ELMO1: variants seen among roughly 807,000 people sequenced by gnomAD.
The protein encoded by ELMO1 is engulfment and cell motility 1, also known as engulfment and cell motility protein 1.
Under a neutral mutation model 98.9 loss-of-function variants are expected in ELMO1, and 26 were observed. The observed-to-expected ratio is 0.26, with a 90% CI of 0.19 to 0.36. ELMO1 has a LOEUF of 0.36. ELMO1 is among the 10% of genes least tolerant of loss of function. The pLI, the probability that ELMO1 is intolerant of heterozygous loss-of-function variation, is 1.00. For synonymous variants in ELMO1, 346 were observed against 346.0 expected (o/e 1.00, Z 0.00); for missense variants, 627 against 935.2 (o/e 0.67, Z 4.30).
intron 16 of ELMO1, among the ~76,000 whole-genome samples, chr7:36,938,921 G>A (rs954514221): frequency 6.6e-6 from 1 of 152,022 alleles, no homozygotes; most frequent in Non-Finnish European, 1.5e-5. Context: ...CTAAGTACTC[G>A]GGAGGCTGAG....
chr7:36,911,895 AT>A (rs1364579052), intron 16 of ELMO1, among the ~76,000 whole-genome samples: 2 of 152,066 alleles, frequency 1.3e-5, no homozygotes, highest in Non-Finnish European at 1.5e-5. Flanking sequence ...GTCCCCACAT[AT>A]CATTAATCAG....
At chr7:37,396,726 G>C (rs1447645761) in intron 1 of ELMO1, among the ~76,000 whole-genome samples, 3 of 152,162 alleles carry the variant, frequency 2.0e-5, no homozygotes, top group Non-Finnish European at 4.4e-5. Context: ...TCTTGAGTGG[G>C]GACAATAATT....
chr7:37,155,697 A>C (rs992747096), intron 13 of ELMO1, among the ~76,000 whole-genome samples: 3 of 152,136 alleles, frequency 2.0e-5, no homozygotes, highest in Non-Finnish European at 2.9e-5. Flanking sequence ...ACCTACAAAG[A>C]GACTCAGACT....
At chr7:36,871,763 T>C (rs1359233726) in intron 19 of ELMO1, among the ~76,000 whole-genome samples, 1 of 152,146 alleles carries the variant, frequency 6.6e-6, no homozygotes, top group Admixed American at 6.5e-5. Flanking sequence ...ATTTTCCAGG[T>C]ACCCTAAAAT....
intron 14 of ELMO1, among the ~76,000 whole-genome samples, chr7:37,130,642 T>A (rs1296978055): frequency 6.6e-6 from 1 of 152,074 alleles, no homozygotes; most frequent in Non-Finnish European, 1.5e-5. Flanking sequence ...GGCAGGCAAG[T>A]TGAACACAGG....
intron 16 of ELMO1, among the ~76,000 whole-genome samples, chr7:36,965,786 A>G (rs1020457630): frequency 3.9e-5 from 6 of 152,224 alleles, no homozygotes; most frequent in African/African-American, 1.4e-4. Flanking sequence ...TTTCCTCTGC[A>G]TTACCTAGCA....
At chr7:37,202,210 C>T (rs1486943566) in intron 13 of ELMO1, among the ~76,000 whole-genome samples, 1 of 152,154 alleles carries the variant, frequency 6.6e-6, no homozygotes, top group Non-Finnish European at 1.5e-5. Context: ...AAGCAAAGTA[C>T]TTGTTTCAGA....
Position 36,853,566 on chromosome 7 carries a change from C to G in ELMO1, c.*1985G>C, listed in dbSNP as rs1353817242. On this transcript the variant is annotated 3_prime_UTR_variant, in exon 22 of 22. Transcript: ENST00000310758. ...CGAAGCTTAATGATCAAGGAATTAACAGCTTGACACAGGTGTGAGTGCTCT... is the reference window on the plus strand; with the variant it reads ...CGAAGCTTAATGATCAAGGAATTAAGAGCTTGACACAGGTGTGAGTGCTCT... 6.6e-6 allele frequency among the ~76,000 whole-genome samples: 1 copy of G among 152,214 alleles called. No individual in the cohort carries two copies. The highest frequency in any genetic ancestry group is 2.4e-5 in the African/African-American group (1 of 41,460).
intron 19 of ELMO1, among the ~76,000 whole-genome samples, chr7:36,874,919 G>C (rs1803823186): frequency 6.6e-6 from 1 of 152,218 alleles, no homozygotes; most frequent in African/African-American, 2.4e-5. Flanking sequence ...TAAAGCTTTG[G>C]AGAAGACAGC....
intron 21 of ELMO1, among the ~76,000 whole-genome samples, chr7:36,860,649 T>G (rs1802555333): frequency 6.6e-6 from 1 of 152,212 alleles, no homozygotes; most frequent in Non-Finnish European, 1.5e-5. Context: ...ACATCTTGAA[T>G]ATGGTGGCCT....
chr7:37,155,504 A>AAAAAAAAAAATT, intron 13 of ELMO1, among the ~76,000 whole-genome samples: 1 of 132,300 alleles, frequency 7.6e-6, no homozygotes, highest in South Asian at 3.0e-4. Context: ...AAAAAAAAAA[A>AAAAAAAAAAATT]AAAAGCAGGT....
At position 37,026,713 on chromosome 7, in the gene ELMO1, A is replaced by C. The variant is rs185210790; in HGVS notation, c.1301-13278T>G. 2.6e-5 allele frequency among the ~76,000 whole-genome samples: 4 copies of C among 152,272 alleles called. No homozygotes were observed. The East Asian group carries it at 7.7e-4, about 29-fold the overall frequency. ...CCCTCTACTTGGACCCCACTGAGTC[A>C]ACCTCCAAAGCCCAGACCTCTGCTA... On this transcript the variant is annotated intron_variant, in intron 15 of 21. Coordinates refer to ENST00000310758, the MANE Select transcript of ELMO1 (RefSeq NM_014800.11).
intron 15 of ELMO1, among the ~76,000 whole-genome samples, chr7:37,088,481 A>C (rs1783899297): frequency 6.6e-6 from 1 of 152,236 alleles, no homozygotes. Context: ...TTCCACAAAT[A>C]GTGCATTTTA....
intron 15 of ELMO1, among the ~76,000 whole-genome samples, chr7:37,073,922 T>C (rs1443972324): frequency 6.6e-6 from 1 of 151,352 alleles, no homozygotes. Context: ...AATATTAAAA[T>C]ATATTTCTAT....
intron 1 of ELMO1, chr7:37,351,371 T>C (rs1801261303): frequency 6.6e-6 from 1 of 152,258 alleles, no homozygotes; most frequent in Non-Finnish European, 1.5e-5. Context: ...CCTAGCACTT[T>C]GCAGGGACCA....
intron 16 of ELMO1, among the ~76,000 whole-genome samples, chr7:36,911,365 T>C (rs1784330487): frequency 1.3e-5 from 2 of 152,122 alleles, no homozygotes; most frequent in East Asian, 1.9e-4. Flanking sequence ...AAACGAGACA[T>C]AGGAAGGACA....
At chr7:37,150,646 TTATA>T (rs1323839590) in intron 13 of ELMO1, among the ~76,000 whole-genome samples, 5 of 152,174 alleles carry the variant, frequency 3.3e-5, no homozygotes, top group African/African-American at 1.2e-4. Context: ...CTATGTATTA[TTATA>T]TAAAGTATAC....
intron 15 of ELMO1, among the ~76,000 whole-genome samples, chr7:37,076,382 T>C (rs1008377420): frequency 6.6e-6 from 1 of 152,150 alleles, no homozygotes; most frequent in Non-Finnish European, 1.5e-5. Context: ...TAAGCATAAA[T>C]ACAGACAACC....
At chr7:36,922,603 A>G (rs540041687) in intron 16 of ELMO1, among the ~76,000 whole-genome samples, 20 of 152,318 alleles carry the variant, frequency 1.3e-4, no homozygotes, top group South Asian at 2.1e-4. Context: ...AAGGAAAACA[A>G]GTAAGACAAA....
Sources: allele counts gnomAD v4.1 joint callset (sites outside exome capture counted in the v4.1 genomes callset), GRCh38; gene constraint gnomAD v4.1.1; transcripts MANE v1.5; gene names NCBI Gene and HGNC (gene_info 2026-07-23, HGNC 2026-07-21).